Variants in KCNQ3 observed in about 807,000 individuals in gnomAD.
KCNQ3 encodes the protein potassium voltage-gated channel subfamily Q member 3.
Under a neutral mutation model 92.5 loss-of-function variants are expected in KCNQ3, and 30 were observed. That is an observed-to-expected ratio of 0.32 (90% CI 0.24 to 0.44). The LOEUF is 0.44. KCNQ3 is among the 20% of genes least tolerant of loss of function. The probability of loss-of-function intolerance (pLI) is 1.00; values close to 1 mark genes in which losing one functional copy is unlikely to be tolerated. For synonymous variants in KCNQ3, 450 were observed against 468.8 expected, an observed-to-expected ratio of 0.96 and a Z score of 0.52; for missense variants, 913 against 1,140.3, an observed-to-expected ratio of 0.80 and a Z score of 2.87.
intron 1 of KCNQ3, among the ~76,000 whole-genome samples, chr8:132,357,037 A>C (rs1043966007): frequency 7.2e-6 from 1 of 138,636 alleles, no homozygotes; most frequent in Admixed American, 7.1e-5. Flanking sequence ...ACAACAACAA[A>C]AACTAAGGGC....
At chr8:132,167,764 G>T (rs905763198) in intron 8 of KCNQ3, among the ~76,000 whole-genome samples, 3 of 152,220 alleles carry the variant, frequency 2.0e-5, no homozygotes, top group East Asian at 3.8e-4. Context: ...CCAAGTCTCT[G>T]ACAGCTAGGA....
intron 1 of KCNQ3, among the ~76,000 whole-genome samples, chr8:132,293,976 C>T (rs1244963291): frequency 6.7e-6 from 1 of 148,944 alleles, no homozygotes; most frequent in Admixed American, 6.7e-5. Context: ...TCAGGGTTCA[C>T]TAAGGGTTTT....
intron 1 of KCNQ3, among the ~76,000 whole-genome samples, chr8:132,454,536 C>T (rs190904817): frequency 3.4e-4 from 51 of 152,066 alleles, no homozygotes; most frequent in African/African-American, 1.0e-3. Flanking sequence ...CGAGTACCTC[C>T]GTTTTACAGA....
intron 3 of KCNQ3, among the ~76,000 whole-genome samples, chr8:132,180,560 C>A (rs1028066062): frequency 1.3e-5 from 2 of 152,142 alleles, no homozygotes; most frequent in African/African-American, 4.8e-5. Flanking sequence ...CCAAGGCCAC[C>A]TGGCCAGAAG....
intron 1 of KCNQ3, among the ~76,000 whole-genome samples, chr8:132,359,725 G>C (rs1181401860): frequency 1.3e-5 from 2 of 152,182 alleles, no homozygotes; most frequent in Admixed American, 6.5e-5. Context: ...CAAATAATTT[G>C]ATGGAGTTTA....
chr8:132,198,027 C>G (rs974878652), intron 1 of KCNQ3, among the ~76,000 whole-genome samples: 9 of 152,202 alleles, frequency 5.9e-5, no homozygotes, highest in African/African-American at 2.2e-4. Context: ...TGGCTGGGAC[C>G]TGTGCTTTGT....
At chr8:132,140,418 G>T in intron 10 of KCNQ3, 1 of 497,652 alleles carries the variant, frequency 2.0e-6, no homozygotes, top group South Asian at 2.6e-5. Flanking sequence ...CTGGTAGTGA[G>T]GGAAAAGGCT....
At chr8:132,420,810 T>C (rs796792910) in intron 1 of KCNQ3, among the ~76,000 whole-genome samples, 24 of 152,306 alleles carry the variant, frequency 1.6e-4, no homozygotes, top group African/African-American at 5.5e-4. Flanking sequence ...AGTCTCTAAC[T>C]GGGGCTCTAG....
At chr8:132,470,755 C>T (rs572912562) in intron 1 of KCNQ3, among the ~76,000 whole-genome samples, 5 of 152,270 alleles carry the variant, frequency 3.3e-5, no homozygotes, top group African/African-American at 4.8e-5. Flanking sequence ...CTGAATTTGG[C>T]TGTTATGTCT....
At chr8:132,262,230 G>T (rs1282620560) in intron 1 of KCNQ3, among the ~76,000 whole-genome samples, 2 of 152,272 alleles carry the variant, frequency 1.3e-5, no homozygotes, top group South Asian at 4.2e-4. Flanking sequence ...ACTAATTCAG[G>T]GGATGGAGGA....
chr8:132,384,116 T>A (rs1476391993), intron 1 of KCNQ3, among the ~76,000 whole-genome samples: 2 of 152,202 alleles, frequency 1.3e-5, no homozygotes, highest in African/African-American at 4.8e-5. Flanking sequence ...AAGGCTTCTC[T>A]GCCCTAAGAC....
chr8:132,168,703 T>C (rs1343389274), intron 8 of KCNQ3, among the ~76,000 whole-genome samples: 2 of 141,632 alleles, frequency 1.4e-5, no homozygotes, highest in African/African-American at 5.4e-5. Flanking sequence ...AAAGAGAAAT[T>C]GAGGATAATG....
intron 1 of KCNQ3, among the ~76,000 whole-genome samples, chr8:132,371,683 C>T (rs555551731): frequency 3.7e-4 from 56 of 152,312 alleles, no homozygotes; most frequent in Middle Eastern, 3.4e-3. Context: ...GCTAGGACAA[C>T]CAGGCAAAAA....
In KCNQ3 at chr8:132,421,576, C is replaced by T; in HGVS notation, c.386+58571G>A. 1.3e-5 allele frequency among the ~76,000 whole-genome samples: 2 copies of T among 152,098 alleles called. 1 individual carries two copies. The highest frequency in any genetic ancestry group is 1.3e-4 in the Admixed American group (2 of 15,278). On this transcript the variant is annotated intron_variant, in intron 1 of 14. Coordinates refer to ENST00000388996, the MANE Select transcript of KCNQ3 (RefSeq NM_004519.4). Reference sequence around the variant, plus strand: ...AACAAAATGGGGGATTCACTTGGGGCAGATGGTGGGTGGTAACAGATGACA... The same window carrying T: ...AACAAAATGGGGGATTCACTTGGGGTAGATGGTGGGTGGTAACAGATGACA...
Position 132,412,995 on chromosome 8 carries a change from T to G in KCNQ3, c.386+67152A>C, listed in dbSNP as rs983755763. Among the ~76,000 whole-genome samples, 47 of 152,328 alleles carry G rather than the reference T, an allele frequency of 3.1e-4. 1 individual carries two copies. The highest frequency in any genetic ancestry group is 3.4e-3 in the Middle Eastern group (1 of 294). Reference sequence around the variant, plus strand: ...TCCTCTCTCCACTGACACCTCACAGTGGAGTACACACTAGGCTCTCAAGAA... The same window carrying G: ...TCCTCTCTCCACTGACACCTCACAGGGGAGTACACACTAGGCTCTCAAGAA... On this transcript the variant is annotated intron_variant, in intron 1 of 14. Transcript: ENST00000388996.
chr8:132,386,432 A>T (rs896488705), intron 1 of KCNQ3, among the ~76,000 whole-genome samples: 12 of 152,160 alleles, frequency 7.9e-5, no homozygotes, highest in Non-Finnish European at 4.4e-5. Flanking sequence ...TCAGTTTTTA[A>T]ATCTCAAAAA....
Position 132,382,354 on chromosome 8 carries a change from A to G in KCNQ3, c.386+97793T>C, listed in dbSNP as rs1220950382. ...TTCATGTGAGAGCCGGTTGTTTAAAATAACGTGTATCCTGCTCCTTCTCTC... is the reference window on the plus strand; with the variant it reads ...TTCATGTGAGAGCCGGTTGTTTAAAGTAACGTGTATCCTGCTCCTTCTCTC... On this transcript the variant is annotated intron_variant, in intron 1 of 14. Transcript: ENST00000388996. Among the ~76,000 whole-genome samples the G allele has an allele frequency of 2.0e-5, 3 of 152,146 alleles. No individual in the cohort carries two copies. In the East Asian group the frequency reaches 5.8e-4, roughly 29 times the overall value.
chr8:132,411,277 A>G (rs1820644010), intron 1 of KCNQ3, among the ~76,000 whole-genome samples: 1 of 152,186 alleles, frequency 6.6e-6, no homozygotes, highest in Admixed American at 6.5e-5. Context: ...TAGCAAGAAG[A>G]GCTCTAAGAG....
intron 1 of KCNQ3, among the ~76,000 whole-genome samples, chr8:132,240,913 G>T (rs927964173): frequency 2.0e-5 from 3 of 150,806 alleles, no homozygotes; most frequent in African/African-American, 7.3e-5. Context: ...TTTTGAGACA[G>T]AGTCTTGTTC....
Sources: gnomAD v4.1 joint callset for allele counts (sites outside exome capture counted in the v4.1 genomes callset) on GRCh38, gnomAD v4.1.1 for gene constraint, MANE v1.5 for transcripts, NCBI Gene and HGNC (gene_info 2026-07-23, HGNC 2026-07-21) for gene names.